The following MMD variants were observed in gnomAD, a reference collection of about 807,000 sequenced individuals.
MMD encodes monocyte to macrophage differentiation associated.
In MMD, 22 loss-of-function variants were observed where a neutral mutation model predicts 33.6. The observed-to-expected ratio is 0.66, with a 90% CI of 0.47 to 0.94. The LOEUF is 0.94. Ranked by LOEUF, MMD falls within the 40% of genes least tolerant of loss-of-function variation. The probability of loss-of-function intolerance (pLI) is 0.00; values close to 1 mark genes in which losing one functional copy is unlikely to be tolerated. For missense variants in MMD, 242 were observed against 309.8 expected (o/e 0.78, Z 1.64); for synonymous variants, 97 against 103.2 (o/e 0.94, Z 0.36).
intron 5 of MMD, among the ~76,000 whole-genome samples, chr17:55,403,232 T>G (rs1907414633): frequency 6.6e-6 from 1 of 152,238 alleles, no homozygotes; most frequent in South Asian, 2.1e-4. Flanking sequence ...TGTTTTTATA[T>G]GGCTCAATAA....
intron 4 of MMD, among the ~76,000 whole-genome samples, chr17:55,405,989 AACAGGAT>A: frequency 6.6e-6 from 1 of 152,382 alleles, no homozygotes; most frequent in African/African-American, 2.4e-5. Flanking sequence ...AAAGGCAATG[AACAGGAT>A]ACTAGGTATT....
chr17:55,397,292 G>T (rs1907137699), intron 6 of MMD, among the ~76,000 whole-genome samples: 1 of 151,490 alleles, frequency 6.6e-6, no homozygotes. Flanking sequence ...CTCCCAAGTA[G>T]CTGGGACTAC....
At chr17:55,410,639 C>T (rs1907724254) in intron 3 of MMD, among the ~76,000 whole-genome samples, 1 of 152,204 alleles carries the variant, frequency 6.6e-6, no homozygotes, top group Non-Finnish European at 1.5e-5. Context: ...ATACACAAGA[C>T]TTAATTCTGA....
At chr17:55,397,507 TTTTA>T (rs537636901) in intron 6 of MMD, among the ~76,000 whole-genome samples, 4 of 151,838 alleles carry the variant, frequency 2.6e-5, no homozygotes, top group African/African-American at 7.3e-5. Flanking sequence ...CCTTTCCGCA[TTTTA>T]TTTATTTATT....
chr17:55,403,671 G>T, intron 5 of MMD, 96 bp downstream of exon 5: 1 of 798,232 alleles, frequency 1.3e-6, no homozygotes, highest in Non-Finnish European at 2.0e-6. Flanking sequence ...TATTTCTACT[G>T]TTTTGAAGTA....
At position 55,419,299 on chromosome 17, in the gene MMD, C is replaced by A. The variant is rs562204834; in HGVS notation, c.26+2371G>T. Among the ~76,000 whole-genome samples the A allele has an allele frequency of 2.0e-5, 3 of 152,304 alleles. No individual in the cohort carries two copies. In the South Asian group the frequency reaches 6.2e-4, roughly 32 times the overall value. On this transcript the variant is annotated intron_variant, in intron 1 of 6. Coordinates refer to ENST00000262065, the MANE Select transcript of MMD (RefSeq NM_012329.3). ...AGATGCTATGAAGGGGAGAGGATGA[C>A]TTTGTGTTTGTCTATGTGTGTGTAG...
At position 55,396,766 on chromosome 17, in the gene MMD, G is replaced by GCCCA. The variant is rs1338328958; in HGVS notation, c.517-2233_517-2232insTGGG. 4.6e-5 allele frequency among the ~76,000 whole-genome samples: 7 copies of GCCCA among 151,936 alleles called. No individual in the cohort carries two copies. In the East Asian group the frequency reaches 1.4e-3, roughly 30 times the overall value. On this transcript the variant is annotated intron_variant, in intron 6 of 6. Coordinates refer to ENST00000262065, the MANE Select transcript of MMD (RefSeq NM_012329.3). ...CAAGTAGATGGGATTACAGGCGTGT[G>GCCCA]CCACCACACCTGGCTAATTTTTGTA...
At position 55,407,795 on chromosome 17, in the gene MMD, A is replaced by T; in HGVS notation, c.295T>A (p.Cys99Ser). ...LRTVEHCFHMCDRMVIYFFIA... is the reference protein window; with the variant it reads ...LRTVEHCFHMSDRMVIYFFIA... ...AAGAAATAGATAACCATTCTATCAC[A>T]CATGTGAAAACAATGCTCCACTGTC... is the stretch of plus-strand genomic sequence containing the variant. The change falls in exon 4 of 7, where the codon TGT (cysteine) becomes AGT (serine). Residue 99 changes from cysteine (C) to serine (S), a missense_variant. Coordinates refer to ENST00000262065, the MANE Select transcript of MMD (RefSeq NM_012329.3). 1 of 1,595,428 alleles carries T rather than the reference A, an allele frequency of 6.3e-7. No individual in the cohort carries two copies. The highest frequency in any genetic ancestry group is 8.5e-7 in the Non-Finnish European group (1 of 1,174,890).
At chr17:55,410,539 G>A (rs544355692) in intron 3 of MMD, among the ~76,000 whole-genome samples, 10 of 152,264 alleles carry the variant, frequency 6.6e-5, no homozygotes, top group South Asian at 2.1e-4. Context: ...AAGCGTTTAC[G>A]TTCTTCTCAT....
intron 5 of MMD, among the ~76,000 whole-genome samples, chr17:55,403,106 G>C (rs892576991): frequency 3.9e-5 from 6 of 152,184 alleles, no homozygotes; most frequent in African/African-American, 1.2e-4. Flanking sequence ...CTAATTTCCA[G>C]ATGAGTCACT....
Position 55,407,748 on chromosome 17 carries a change from T to C in MMD, c.342A>G (p.Pro114=), listed in dbSNP as rs757326319. 8.8e-6 allele frequency: 14 copies of C among 1,597,716 alleles called. No individual in the cohort carries two copies. Among genetic ancestry groups the C allele is most frequent in the African/African-American group, 2.7e-5 (2 of 73,936 alleles). Reference sequence around the variant, plus strand: ...AAAATAGGAAGACTGTATCTTACCATGGAGCATAAGAAGCAGCAATGAAGA... The same window carrying C: ...AAAATAGGAAGACTGTATCTTACCACGGAGCATAAGAAGCAGCAATGAAGA... ...IYFFIAASYA[P]WLNLRELGPL... Residue 114 remains proline (P), a splice_region_variant and synonymous_variant, in exon 4 of 7, where the codon CCA becomes CCG. Coordinates refer to ENST00000262065, the MANE Select transcript of MMD (RefSeq NM_012329.3).
Position 55,407,657 on chromosome 17 carries a change from GGT to G in MMD, c.344+87_344+88del, listed in dbSNP as rs1907607619. The G allele has an allele frequency of 1.8e-5, 21 of 1,191,954 alleles. No individual in the cohort carries two copies. The South Asian group carries it at 2.3e-4, about 13-fold the overall frequency. The allele number at this position is 1,191,954 out of a possible 1,614,324, so 73.8% of individuals were successfully genotyped here. A position where few individuals can be genotyped will look rare whatever the true frequency, so the allele number is the denominator to read the frequency against. On this transcript the variant is annotated intron_variant, in intron 4 of 6. Transcript: ENST00000262065. ...AGGTGGTGTACACATGAGGGCTGAGGGTGGGGACAAGAGGGAGAAAGGAAAGG... is the reference window on the plus strand; with the variant it reads ...AGGTGGTGTACACATGAGGGCTGAGGGGGGACAAGAGGGAGAAAGGAAAGG...
intron 2 of MMD, 122 bp downstream of exon 2, chr17:55,414,029 G>T: frequency 2.2e-6 from 2 of 895,208 alleles, no homozygotes; most frequent in Non-Finnish European, 3.6e-6. Flanking sequence ...CTGATTTCCT[G>T]GTAGATAAGG....
rs546254025 is a variant in MMD at position 55,421,054 on chromosome 17, C to T, written c.26+616G>A. Among the ~76,000 whole-genome samples, 4 of 152,358 alleles carry T rather than the reference C, an allele frequency of 2.6e-5. No homozygotes were observed. In the South Asian group the frequency reaches 8.3e-4, roughly 32 times the overall value. ...CCCTTCGCAGAGCCCAAAAATAGCA[C>T]CGCCCTGGGACGTTCAGCTGGAGAA... On this transcript the variant is annotated intron_variant, in intron 1 of 6. Coordinates refer to ENST00000262065, the MANE Select transcript of MMD (RefSeq NM_012329.3).
rs904193460 is a variant in MMD at position 55,394,033 on chromosome 17, T to C, written c.*301A>G. ...CTGACATAGTAATTTAGAAAAATCA[T>C]GTAGTAAAATCTGTAAAATTAAAAT... On this transcript the variant is annotated 3_prime_UTR_variant, in exon 7 of 7. Coordinates refer to ENST00000262065, the MANE Select transcript of MMD (RefSeq NM_012329.3). 4.1e-5 allele frequency: 8 copies of C among 197,374 alleles called. No individual in the cohort carries two copies. Among genetic ancestry groups the C allele is most frequent in the Non-Finnish European group, 8.1e-5 (8 of 98,524 alleles). 12.2% of individuals were successfully genotyped at this position (197,374 alleles called of 1,614,324 possible). A position where few individuals can be genotyped will look rare whatever the true frequency, so the allele number is the denominator to read the frequency against.
At chr17:55,421,606 A>T in intron 1 of MMD, 64 bp downstream of exon 1, 1 of 1,582,444 alleles carries the variant, frequency 6.3e-7, no homozygotes. Context: ...CCGTGCGCTT[A>T]ACGGCGGGAT....
chr17:55,410,776 C>T (rs1355630086), intron 3 of MMD, among the ~76,000 whole-genome samples: 1 of 152,176 alleles, frequency 6.6e-6, no homozygotes, highest in Non-Finnish European at 1.5e-5. Flanking sequence ...ATCACACTGA[C>T]TGTGTGACTC....
chr17:55,416,161 AAATTGAATG>A (rs1290590950), intron 1 of MMD, among the ~76,000 whole-genome samples: 15 of 152,232 alleles, frequency 9.9e-5, no homozygotes, highest in African/African-American at 3.6e-4. Context: ...TAGTTAGATG[AAATTGAATG>A]TGCTCTGTGT....
At chr17:55,416,811 T>C (rs1907984488) in intron 1 of MMD, among the ~76,000 whole-genome samples, 1 of 152,178 alleles carries the variant, frequency 6.6e-6, no homozygotes, top group Admixed American at 6.5e-5. Flanking sequence ...CCCTAATGGT[T>C]ACTCAATGCT....
Sources: gnomAD v4.1 joint callset for allele counts (sites outside exome capture counted in the v4.1 genomes callset) on GRCh38, gnomAD v4.1.1 for gene constraint, MANE v1.5 for transcripts, NCBI Gene and HGNC (gene_info 2026-07-23, HGNC 2026-07-21) for gene names.